LDAH: variants seen among roughly 807,000 people sequenced by gnomAD.
LDAH encodes lipid droplet-associated hydrolase.
A neutral mutation model predicts 29.6 loss-of-function variants in LDAH; 26 were observed. The ratio of observed to expected loss-of-function variants is 0.88; its 90% CI spans 0.64 to 1.22. The LOEUF is 1.22. Ranked by LOEUF, LDAH falls within the 50% of genes most tolerant of loss-of-function variation. The probability of loss-of-function intolerance (pLI) is 0.00; values close to 1 mark genes in which losing one functional copy is unlikely to be tolerated. For missense variants in LDAH, 344 were observed against 387.3 expected, an observed-to-expected ratio of 0.89 and a Z score of 0.94; for synonymous variants, 117 against 133.0, an observed-to-expected ratio of 0.88 and a Z score of 0.83.
intron 1 of LDAH, among the ~76,000 whole-genome samples, chr2:20,814,937 A>G (rs1672749055): frequency 6.6e-6 from 1 of 152,178 alleles, no homozygotes; most frequent in Non-Finnish European, 1.5e-5. Context: ...AAAATTATGT[A>G]TGTTCATGCT....
At chr2:20,696,672 A>G (rs980177890) in intron 6 of LDAH, among the ~76,000 whole-genome samples, 12 of 152,132 alleles carry the variant, frequency 7.9e-5, no homozygotes, top group Non-Finnish European at 1.6e-4. Context: ...TCACTTTTCA[A>G]TGAATGAGAC....
intron 2 of LDAH, among the ~76,000 whole-genome samples, chr2:20,790,936 T>C (rs977333186): frequency 1.3e-5 from 2 of 152,214 alleles, no homozygotes. Context: ...TTCAATCTGA[T>C]AGATCTGTAG....
At chr2:20,711,028 T>C (rs1664717780) in intron 5 of LDAH, among the ~76,000 whole-genome samples, 1 of 152,062 alleles carries the variant, frequency 6.6e-6, no homozygotes, top group African/African-American at 2.4e-5. Context: ...GTCAGAGATT[T>C]GGAGCACTAG....
At position 20,684,857 on chromosome 2, in the gene LDAH, G is replaced by A; in HGVS notation, c.*2046C>T. 6.5e-7 allele frequency: 1 copy of A among 1,542,880 alleles called. No homozygotes were observed. The highest frequency in any genetic ancestry group is 8.7e-7 in the Non-Finnish European group (1 of 1,143,532). On this transcript the variant is annotated 3_prime_UTR_variant, in exon 7 of 7. Coordinates refer to ENST00000237822, the MANE Select transcript of LDAH (RefSeq NM_021925.4). ...GGAAAATGGATTTCTTCCACTGTTTGTCCATTTTAGTCTAATCCCTAATGA... is the reference window on the plus strand; with the variant it reads ...GGAAAATGGATTTCTTCCACTGTTTATCCATTTTAGTCTAATCCCTAATGA...
chr2:20,759,206 A>T (rs1668523299), intron 4 of LDAH, among the ~76,000 whole-genome samples: 1 of 152,154 alleles, frequency 6.6e-6, no homozygotes, highest in Non-Finnish European at 1.5e-5. Flanking sequence ...TCATTCATGC[A>T]TGCTCCCTCT....
chr2:20,751,528 A>G (rs973199667), intron 4 of LDAH, among the ~76,000 whole-genome samples: 9 of 152,254 alleles, frequency 5.9e-5, no homozygotes, highest in Admixed American at 2.0e-4. Flanking sequence ...TAGTTGTAAC[A>G]ATAAGCCACA....
chr2:20,775,001 C>T (rs759515814), intron 3 of LDAH, 22 bp from the exon 4 acceptor site: 41 of 1,566,292 alleles, frequency 2.6e-5, no homozygotes, highest in South Asian at 3.5e-5. Flanking sequence ...AATATGAGCA[C>T]GTTTTCATTA....
chr2:20,700,096 A>G (rs1663812549), intron 6 of LDAH, among the ~76,000 whole-genome samples: 1 of 152,250 alleles, frequency 6.6e-6, no homozygotes, highest in Non-Finnish European at 1.5e-5. Context: ...AACCTGGAAG[A>G]ACTTAAATGC....
At chr2:20,756,638 A>G (rs941027691) in intron 4 of LDAH, among the ~76,000 whole-genome samples, 1 of 152,214 alleles carries the variant, frequency 6.6e-6, no homozygotes, top group African/African-American at 2.4e-5. Context: ...ATTGGAAGAT[A>G]AAGTAGGGAA....
chr2:20,799,653 C>T (rs1293516568), intron 2 of LDAH, among the ~76,000 whole-genome samples: 1 of 152,056 alleles, frequency 6.6e-6, no homozygotes, highest in African/African-American at 2.4e-5. Context: ...TACCTGTTTA[C>T]CTCTCTCTTC....
At chr2:20,719,959 A>G (rs1351713613) in intron 5 of LDAH, among the ~76,000 whole-genome samples, 2 of 152,108 alleles carry the variant, frequency 1.3e-5, no homozygotes, top group Non-Finnish European at 1.5e-5. Flanking sequence ...GGTATAGAAA[A>G]AACATACCTC....
At chr2:20,755,129 T>TTGTGTGTGTGTGTGTGTG (rs70939051) in intron 4 of LDAH, among the ~76,000 whole-genome samples, 3 of 118,298 alleles carry the variant, frequency 2.5e-5, no homozygotes, top group African/African-American at 1.1e-4. Context: ...GTGTCTGTGT[T>TTGTGTGTGTGTGTGTGTG]TGTGTGTGTG....
In LDAH at chr2:20,801,478, A is replaced by T. The variant is rs1190517214; in HGVS notation, c.-2-13T>A. ...TCTGAGTCCATTTCTAAATAAGGGG[A>T]GAAAAGTAGTATGAAGAGTCAGTAA... On this transcript the variant is annotated splice_polypyrimidine_tract_variant and intron_variant, in intron 1 of 6. Coordinates refer to ENST00000237822, the MANE Select transcript of LDAH (RefSeq NM_021925.4). 6.2e-7 allele frequency: 1 copy of T among 1,610,178 alleles called. No homozygotes were observed. Among genetic ancestry groups the T allele is most frequent in the Admixed American group, 1.7e-5 (1 of 59,900 alleles).
At position 20,758,307 on chromosome 2, in the gene LDAH, A is replaced by T. The variant is rs531344574; in HGVS notation, c.468+16503T>A. On this transcript the variant is annotated intron_variant, in intron 4 of 6. Transcript: ENST00000237822. ...GTTTAAAATAACTATAATATGATCA[A>T]GATATTAAATGACAAGATGGAGATT... Among the ~76,000 whole-genome samples, 19 of 152,358 alleles carry T rather than the reference A, an allele frequency of 1.2e-4. No homozygotes were observed. In the South Asian group the frequency reaches 3.5e-3, roughly 28 times the overall value.
intron 3 of LDAH, among the ~76,000 whole-genome samples, chr2:20,776,693 C>A (rs1304391331): frequency 6.6e-6 from 1 of 152,106 alleles, no homozygotes; most frequent in African/African-American, 2.4e-5. Flanking sequence ...CCAAATCCAC[C>A]TTTTTATGCA....
At chr2:20,810,402 C>T (rs1249066100) in intron 1 of LDAH, among the ~76,000 whole-genome samples, 1 of 152,178 alleles carries the variant, frequency 6.6e-6, no homozygotes, top group Non-Finnish European at 1.5e-5. Context: ...CCTCAAAAGT[C>T]ACATAGCATC....
At chr2:20,708,361 C>T (rs1558396830) in intron 5 of LDAH, among the ~76,000 whole-genome samples, 2 of 152,144 alleles carry the variant, frequency 1.3e-5, no homozygotes, top group Admixed American at 6.5e-5. Flanking sequence ...AGAAGCAAGA[C>T]CAGAAAGTAT....
intron 6 of LDAH, among the ~76,000 whole-genome samples, chr2:20,688,893 G>C (rs1251167608): frequency 7.2e-6 from 1 of 139,502 alleles, no homozygotes; most frequent in Non-Finnish European, 1.5e-5. Flanking sequence ...AGAGTGTGCA[G>C]GTTTGTTACA....
At chr2:20,801,938 GTGTGTGTGTGTGTGTGTGTA>G (rs1364258466) in intron 1 of LDAH, among the ~76,000 whole-genome samples, 3 of 147,874 alleles carry the variant, frequency 2.0e-5, no homozygotes, top group African/African-American at 2.6e-5. Flanking sequence ...CTATGTGTGT[GTGTGTGTGTGTGTGTGTGTA>G]TGTGTGTGTG....
Sources: gnomAD v4.1 joint callset for allele counts (sites outside exome capture counted in the v4.1 genomes callset) on GRCh38, gnomAD v4.1.1 for gene constraint, MANE v1.5 for transcripts, NCBI Gene and HGNC (gene_info 2026-07-23, HGNC 2026-07-21) for gene names.